DENND1A: variants seen among roughly 807,000 people sequenced by gnomAD.
The protein encoded by DENND1A is DENN domain-containing protein 1A.
DENND1A carries 51 observed loss-of-function variants against 113.7 expected under a neutral mutation model. The observed-to-expected ratio is 0.45, with a 90% CI of 0.36 to 0.57. DENND1A has a LOEUF of 0.57. Ranked by LOEUF, DENND1A falls within the 20% of genes least tolerant of loss-of-function variation. DENND1A has a pLI of 0.00. For synonymous variants in DENND1A, 565 were observed against 570.8 expected (o/e 0.99, Z 0.14); for missense variants, 1,258 against 1,395.9 (o/e 0.90, Z 1.57).
chr9:123,675,313 C>T (rs570790905), intron 6 of DENND1A, among the ~76,000 whole-genome samples: 3 of 152,242 alleles, frequency 2.0e-5, no homozygotes, highest in South Asian at 2.1e-4. Flanking sequence ...AGATTTATCA[C>T]AGAATTAAAG....
intron 9 of DENND1A, among the ~76,000 whole-genome samples, chr9:123,637,909 A>G (rs1183778045): frequency 1.4e-5 from 1 of 73,998 alleles, no homozygotes; most frequent in Non-Finnish European, 2.3e-5. Context: ...GGGAAGGAAT[A>G]AACACACACA....
intron 13 of DENND1A, among the ~76,000 whole-genome samples, chr9:123,515,751 G>A (rs1266794000): frequency 6.6e-6 from 1 of 152,026 alleles, no homozygotes; most frequent in African/African-American, 2.4e-5. Flanking sequence ...AAAAAAGTGA[G>A]GAGTGGCAGG....
At chr9:123,882,986 C>T (rs964320687) in intron 1 of DENND1A, among the ~76,000 whole-genome samples, 3 of 152,150 alleles carry the variant, frequency 2.0e-5, no homozygotes, top group African/African-American at 7.2e-5. Flanking sequence ...TCATTTTATA[C>T]CTCTCTCCCC....
At chr9:123,845,670 C>CAAAAAAAAAAAAAAAAAAAAAAAAAA (rs555731367) in intron 2 of DENND1A, among the ~76,000 whole-genome samples, 4 of 44,092 alleles carry the variant, frequency 9.1e-5, no homozygotes, top group African/African-American at 2.3e-4. Flanking sequence ...AACCTGTCTC[C>CAAAAAAAAAAAAAAAAAAAAAAAAAA]AAAAAAAAAA....
At chr9:123,919,883 G>GAA (rs56784407) in intron 1 of DENND1A, among the ~76,000 whole-genome samples, 858 of 55,304 alleles carry the variant, frequency 0.016, 23 homozygotes, top group African/African-American at 0.043. Flanking sequence ...CTCTGTCTCA[G>GAA]AAAAAAAAAA....
intron 8 of DENND1A, among the ~76,000 whole-genome samples, chr9:123,652,784 A>G (rs2062730227): frequency 6.6e-6 from 1 of 152,208 alleles, no homozygotes; most frequent in Non-Finnish European, 1.5e-5. Context: ...AAAAAAATTG[A>G]AGACAAACAG....
intron 5 of DENND1A, among the ~76,000 whole-genome samples, chr9:123,711,519 A>ATATATATATATATATATATATG (rs2066623483): frequency 8.9e-6 from 1 of 112,618 alleles, no homozygotes; most frequent in East Asian, 2.2e-4. Context: ...ATATGTATAT[A>ATATATATATATATATATATATG]TATATATATA....
At chr9:123,519,582 C>T (rs1337220894) in intron 13 of DENND1A, among the ~76,000 whole-genome samples, 26 of 152,120 alleles carry the variant, frequency 1.7e-4, no homozygotes, top group Admixed American at 1.0e-3. Flanking sequence ...GGATTACAGG[C>T]TAATTTTTAT....
At chr9:123,873,037 C>T (rs560839864) in intron 2 of DENND1A, among the ~76,000 whole-genome samples, 1 of 152,268 alleles carries the variant, frequency 6.6e-6, no homozygotes, top group East Asian at 1.9e-4. Context: ...ATCAGAGATG[C>T]AGATCCTAGG....
At chr9:123,391,301 T>C (rs1475376746) in intron 21 of DENND1A, among the ~76,000 whole-genome samples, 13 of 152,200 alleles carry the variant, frequency 8.5e-5, no homozygotes, top group Non-Finnish European at 1.5e-5. Flanking sequence ...GGTGAGAAGT[T>C]TGTCATCTGA....
intron 2 of DENND1A, among the ~76,000 whole-genome samples, chr9:123,846,148 C>T (rs1842584884): frequency 1.3e-5 from 2 of 152,298 alleles, no homozygotes; most frequent in Middle Eastern, 3.4e-3. Flanking sequence ...TGATATGTCA[C>T]TTCATCCCCA....
chr9:123,655,462 C>T (rs2062891214), intron 8 of DENND1A, among the ~76,000 whole-genome samples: 2 of 152,002 alleles, frequency 1.3e-5, no homozygotes, highest in South Asian at 4.2e-4. Context: ...CCAGATGAAG[C>T]AATTGATTAC....
intron 11 of DENND1A, among the ~76,000 whole-genome samples, chr9:123,587,422 A>G (rs568507831): frequency 6.6e-6 from 1 of 152,340 alleles, no homozygotes; most frequent in South Asian, 2.1e-4. Flanking sequence ...GTTACAAACA[A>G]TCCATGGAAA....
intron 13 of DENND1A, among the ~76,000 whole-genome samples, chr9:123,522,242 C>T (rs1317012193): frequency 6.6e-6 from 1 of 152,200 alleles, no homozygotes; most frequent in Non-Finnish European, 1.5e-5. Flanking sequence ...GGAAAATTGG[C>T]GGAGCCCTCT....
chr9:123,772,297 G>C (rs191785938), intron 3 of DENND1A, among the ~76,000 whole-genome samples: 1 of 152,262 alleles, frequency 6.6e-6, no homozygotes, highest in Non-Finnish European at 1.5e-5. Flanking sequence ...CTCTCCAAGA[G>C]TGGGGGCTTT....
intron 13 of DENND1A, among the ~76,000 whole-genome samples, chr9:123,537,377 AT>A (rs1307435329): frequency 1.3e-5 from 2 of 151,992 alleles, no homozygotes; most frequent in Non-Finnish European, 2.9e-5. Context: ...AAGGAATAAC[AT>A]CTCAATAATA....
At chr9:123,672,334 G>C (rs1190920674) in intron 6 of DENND1A, among the ~76,000 whole-genome samples, 1 of 152,138 alleles carries the variant, frequency 6.6e-6, no homozygotes, top group Non-Finnish European at 1.5e-5. Context: ...AGATGAACTT[G>C]TGGGTGTGTG....
chr9:123,671,592 C>G (rs2063767760), intron 6 of DENND1A, among the ~76,000 whole-genome samples: 1 of 152,168 alleles, frequency 6.6e-6, no homozygotes, highest in African/African-American at 2.4e-5. Context: ...ACATTTTCTA[C>G]TCAGTGAGAC....
intron 13 of DENND1A, among the ~76,000 whole-genome samples, chr9:123,467,306 C>T (rs185731078): frequency 1.3e-3 from 200 of 152,264 alleles, no homozygotes; most frequent in African/African-American, 4.7e-3. Flanking sequence ...CATGGAGACA[C>T]ATGTTCTGTG....
Sources: allele counts gnomAD v4.1 joint callset (sites outside exome capture counted in the v4.1 genomes callset), GRCh38; gene constraint gnomAD v4.1.1; transcripts MANE v1.5; gene names NCBI Gene and HGNC (gene_info 2026-07-23, HGNC 2026-07-21).